CDH17: variants seen among roughly 807,000 people sequenced by gnomAD.
CDH17 encodes cadherin-17.
A neutral mutation model predicts 86.3 loss-of-function variants in CDH17; 67 were observed. The observed-to-expected ratio is 0.78, with a 90% CI of 0.64 to 0.95. The LOEUF (loss-of-function observed/expected upper bound fraction) is 0.95. Among genes scored for constraint, CDH17 ranks in the 40% least tolerant of loss-of-function variants. CDH17 has a pLI of 0.00. For missense variants in CDH17, 993 were observed against 1,017.6 expected (o/e 0.98, Z 0.33); for synonymous variants, 367 against 366.4 (o/e 1.00, Z -0.02).
At chr8:94,169,412 G>C (rs1335065936) in intron 9 of CDH17, among the ~76,000 whole-genome samples, 1 of 152,158 alleles carries the variant, frequency 6.6e-6, no homozygotes, top group African/African-American at 2.4e-5. Context: ...CTGATAGCAA[G>C]AAGAAAAATA....
chr8:94,180,860 A>G (rs948160402), intron 3 of CDH17, among the ~76,000 whole-genome samples: 9 of 150,808 alleles, frequency 6.0e-5, no homozygotes, highest in South Asian at 2.1e-4. Flanking sequence ...GTGCCACTGC[A>G]TTCCAGCCTG....
intron 12 of CDH17, among the ~76,000 whole-genome samples, chr8:94,159,322 TG>T (rs1349983025): frequency 6.6e-6 from 1 of 152,160 alleles, no homozygotes; most frequent in Non-Finnish European, 1.5e-5. Flanking sequence ...TGAGAGCCCG[TG>T]GGCTTAGCAA....
intron 12 of CDH17, among the ~76,000 whole-genome samples, chr8:94,159,445 G>A (rs566127391): frequency 6.6e-6 from 1 of 152,230 alleles, no homozygotes; most frequent in African/African-American, 2.4e-5. Context: ...ATCTCTGCCT[G>A]GCACATTAGA....
At position 94,160,030 on chromosome 8, in the gene CDH17, C is replaced by T; in HGVS notation, c.1492G>A (p.Gly498Arg). Residue 498 changes from glycine (G) to arginine (R), a missense_variant, in exon 12 of 18, where the codon GGA (glycine) becomes AGA (arginine). By Grantham distance (125) the Gly-to-Arg change is moderately radical. Transcript: ENST00000027335. ...GGATCTGTGTCAACCCCCAGGCGTCCCTCACTGTCTCCCTTTATGATATGA... is the reference window on the plus strand; with the variant it reads ...GGATCTGTGTCAACCCCCAGGCGTCTCTCACTGTCTCCCTTTATGATATGA... ...LYHIIKGDSE[G>R]RLGVDTDPHT... is the part of the protein sequence containing the mutation. 6.2e-7 allele frequency: 1 copy of T among 1,613,632 alleles called. No individual in the cohort carries two copies. Among genetic ancestry groups the T allele is most frequent in the Non-Finnish European group, 8.5e-7 (1 of 1,179,748 alleles).
At chr8:94,169,576 G>A (rs1157412762) in intron 9 of CDH17, among the ~76,000 whole-genome samples, 1 of 152,166 alleles carries the variant, frequency 6.6e-6, no homozygotes, top group African/African-American at 2.4e-5. Context: ...CAAGGGCAGT[G>A]AAGCTCTAGA....
At position 94,194,642 on chromosome 8, in the gene CDH17, A is replaced by G; in HGVS notation, c.44T>C (p.Leu15Pro). 6.2e-7 allele frequency: 1 copy of G among 1,602,244 alleles called. No individual in the cohort carries two copies. Among genetic ancestry groups the G allele is most frequent in the Non-Finnish European group, 8.5e-7 (1 of 1,171,018 alleles). The change falls in exon 2 of 18, where the codon CTT becomes CCT. Residue 15 changes from leucine to proline, a missense_variant. By Grantham distance (98) the Leu-to-Pro change is moderately conservative. Coordinates refer to ENST00000027335, the MANE Select transcript of CDH17 (RefSeq NM_004063.4). ...AHLHSLCLLM[L>P]YLATGYGQEG... ...AACACCCTCTTCTCTTACCAAATAAAGCATAAGAAGACACAGGGAGTGAAG... is the reference window on the plus strand; with the variant it reads ...AACACCCTCTTCTCTTACCAAATAAGGCATAAGAAGACACAGGGAGTGAAG...
At chr8:94,205,074 TG>T (rs935434026) in intron 1 of CDH17, among the ~76,000 whole-genome samples, 4 of 152,170 alleles carry the variant, frequency 2.6e-5, no homozygotes, top group African/African-American at 9.7e-5. Context: ...TAGGCATAAA[TG>T]GGTTTTAAGC....
At chr8:94,147,492 C>T (rs941565032) in intron 14 of CDH17, among the ~76,000 whole-genome samples, 10 of 151,944 alleles carry the variant, frequency 6.6e-5, no homozygotes, top group African/African-American at 2.2e-4. Flanking sequence ...AGTTTTTTTC[C>T]GGGGCTGTGG....
At chr8:94,195,025 G>C (rs568496489) in intron 1 of CDH17, among the ~76,000 whole-genome samples, 1 of 152,238 alleles carries the variant, frequency 6.6e-6, no homozygotes, top group South Asian at 2.1e-4. Flanking sequence ...TTTTGGAAAC[G>C]CAGTCTCACT....
At chr8:94,140,305 G>GT (rs35186630) in intron 15 of CDH17, among the ~76,000 whole-genome samples, 36,901 of 151,826 alleles carry the variant, frequency 0.24, 5,947 homozygotes, top group Non-Finnish European at 0.35. Context: ...TAGCTCATAC[G>GT]TGTAGTCCCA....
In CDH17 at chr8:94,127,889, T is replaced by G. The variant is rs1586224341; in HGVS notation, c.*351A>C. The G allele has an allele frequency of 4.7e-6, 1 of 213,898 alleles. No individual in the cohort carries two copies. 13.3% of individuals were successfully genotyped at this position (213,898 alleles called of 1,614,324 possible). A position where few individuals can be genotyped will look rare whatever the true frequency, so the allele number is the denominator to read the frequency against. On this transcript the variant is annotated 3_prime_UTR_variant, in exon 18 of 18. Transcript: ENST00000027335. Reference sequence around the variant, plus strand: ...CAGGCAGATCACTTGACGTCAGGAGTTCAAGACCAGCCTGGCCAAATGGCG... The same window carrying G: ...CAGGCAGATCACTTGACGTCAGGAGGTCAAGACCAGCCTGGCCAAATGGCG...
chr8:94,205,476 A>AG (rs1227217181), intron 1 of CDH17, among the ~76,000 whole-genome samples: 2 of 152,164 alleles, frequency 1.3e-5, no homozygotes, highest in East Asian at 3.9e-4. Flanking sequence ...AGAGAAGAGA[A>AG]AGAAAAATAC....
intron 9 of CDH17, among the ~76,000 whole-genome samples, chr8:94,167,731 C>T (rs1332260921): frequency 6.6e-6 from 1 of 152,208 alleles, no homozygotes; most frequent in Non-Finnish European, 1.5e-5. Context: ...GGACACTGTC[C>T]TCCTCTCACT....
At position 94,194,672 on chromosome 8, in the gene CDH17, G is replaced by A; in HGVS notation, c.14C>T (p.Ala5Val). 1 of 1,605,868 alleles carries A rather than the reference G, an allele frequency of 6.2e-7. No homozygotes were observed. The highest frequency in any genetic ancestry group is 8.5e-7 in the Non-Finnish European group (1 of 1,174,322). MILQAHLHSLCLLML... is the reference protein window; with the variant it reads MILQVHLHSLCLLML... Reference sequence around the variant, plus strand: ...AAGAAGACACAGGGAGTGAAGATGGGCCTGAAGTATCATAGTTTTCTTTAT... The same window carrying A: ...AAGAAGACACAGGGAGTGAAGATGGACCTGAAGTATCATAGTTTTCTTTAT... The change falls in exon 2 of 18, where the codon GCC becomes GTC. Residue 5 changes from alanine to valine, a missense_variant. Ala to Val is a moderately conservative substitution (Grantham distance 64, BLOSUM62 0). Transcript: ENST00000027335.
intron 1 of CDH17, among the ~76,000 whole-genome samples, chr8:94,195,592 C>T (rs573611916): frequency 3.3e-5 from 5 of 152,062 alleles, no homozygotes; most frequent in Non-Finnish European, 7.4e-5. Context: ...ATTATTTTTC[C>T]CTTCCTCCTT....
intron 15 of CDH17, among the ~76,000 whole-genome samples, chr8:94,138,039 GA>G (rs1270510408): frequency 6.6e-6 from 1 of 152,058 alleles, no homozygotes; most frequent in Non-Finnish European, 1.5e-5. Context: ...GGGTATGCAT[GA>G]TATTATACCT....
At chr8:94,143,897 T>A (rs1812685567) in intron 15 of CDH17, among the ~76,000 whole-genome samples, 1 of 152,248 alleles carries the variant, frequency 6.6e-6, no homozygotes. Context: ...TTAATGGCAA[T>A]AAGGCTATTT....
chr8:94,174,733 C>T (rs1301096325), intron 5 of CDH17, among the ~76,000 whole-genome samples: 1 of 152,152 alleles, frequency 6.6e-6, no homozygotes, highest in Non-Finnish European at 1.5e-5. Context: ...AATTTTCCTT[C>T]ATATATTTCA....
intron 12 of CDH17, among the ~76,000 whole-genome samples, chr8:94,157,292 A>C (rs1812965269): frequency 6.6e-6 from 1 of 152,238 alleles, no homozygotes. Flanking sequence ...ATAGGCAAGG[A>C]CTTAGAAGAC....
Sources: gnomAD v4.1 joint callset for allele counts (sites outside exome capture counted in the v4.1 genomes callset) on GRCh38, gnomAD v4.1.1 for gene constraint, MANE v1.5 for transcripts, NCBI Gene and HGNC (gene_info 2026-07-23, HGNC 2026-07-21) for gene names.